Variants in SCNN1D observed in about 807,000 individuals in gnomAD.
SCNN1D encodes the protein epithelial sodium channel subunit delta.
SCNN1D carries 104 observed loss-of-function variants against 87.8 expected under a neutral mutation model. The observed-to-expected ratio is 1.18, with a 90% confidence interval of 1.01 to 1.39. The LOEUF (loss-of-function observed/expected upper bound fraction) is 1.39, where lower values mean the gene tolerates loss of function less well. SCNN1D is among the 40% of genes most tolerant of loss of function. The pLI, the probability that SCNN1D is intolerant of heterozygous loss-of-function variation, is 0.00. For missense variants in SCNN1D, 1,324 were observed against 1,093.9 expected, an observed-to-expected ratio of 1.21 and a Z score of -2.97; for synonymous variants, 628 against 481.2, an observed-to-expected ratio of 1.31 and a Z score of -3.99.
chr1:1,290,795 A>G, intron 15 of SCNN1D, 100 bp from the exon 16 acceptor site: 1 of 1,577,886 alleles, frequency 6.3e-7, no homozygotes, highest in Non-Finnish European at 8.7e-7. Context: ...GAACTGACCC[A>G]GCCTATGCCC....
At position 1,280,520 on chromosome 1, in the gene SCNN1D, G is replaced by A. The variant is rs1482640784; in HGVS notation, c.-142G>A. 1 of 616,386 alleles carries A rather than the reference G, an allele frequency of 1.6e-6. No individual in the cohort carries two copies. The highest frequency in any genetic ancestry group is 3.0e-6 in the Non-Finnish European group (1 of 334,428). 38.2% of individuals were successfully genotyped at this position (616,386 alleles called of 1,614,324 possible). On this transcript the variant is annotated 5_prime_UTR_variant, in exon 1 of 18. An upstream start codon of the reference 5' UTR is lost. Transcript: ENST00000379116. The stretch of plus-strand genomic sequence containing the variant: ...AGAAGGGAATGTCTGGTTACAGTAT[G>A]GCGTTGTGCAGATGAAGGTCTTATC...
chr1:1,287,995 C>T lies in SCNN1D; in HGVS notation c.1620C>T (p.Gly540=), dbSNP rs375401931. ...PYGHCTAGGE[G]VEVELLHNTS... is the part of the protein sequence containing the mutation. ...GCCACTGCACCGCCGGCGGGGAAGGCGTGGAGGTGGAGCTGCTACACAACA... is the reference window on the plus strand; with the variant it reads ...GCCACTGCACCGCCGGCGGGGAAGGTGTGGAGGTGGAGCTGCTACACAACA... The change falls in exon 12 of 18, where the codon GGC becomes GGT. Residue 540 remains glycine, a synonymous_variant. Coordinates refer to ENST00000379116, the MANE Select transcript of SCNN1D (RefSeq NM_001130413.4). The T allele has an allele frequency of 7.3e-4, 1,119 of 1,537,710 alleles. 17 individuals are homozygous for T. In the South Asian group the frequency reaches 0.011, roughly 15 times the overall value.
At position 1,291,542 on chromosome 1, in the gene SCNN1D, G is replaced by A. The variant is rs753957632; in HGVS notation, c.2341G>A (p.Val781Ile). The A allele has an allele frequency of 5.6e-6, 9 of 1,597,140 alleles. No homozygotes were observed. The highest frequency in any genetic ancestry group is 2.2e-5 in the East Asian group (1 of 44,446). The change falls in exon 18 of 18, where the codon GTT becomes ATT. Residue 781 changes from valine (V) to isoleucine (I), a missense_variant. Val to Ile is a conservative substitution (Grantham distance 29, BLOSUM62 3). Coordinates refer to ENST00000379116, the MANE Select transcript of SCNN1D (RefSeq NM_001130413.4). ...PHLPRVMLPG[V>I]LAGVSAEESW... ...TCTCCCACGGGTGATGCTTCCAGGG[G>A]TTCTGGCGGGAGTCTCAGCCGAAGA...
Position 1,280,756 on chromosome 1 carries a change from C to G in SCNN1D, c.5+90C>G, listed in dbSNP as rs1640453575. On this transcript the variant is annotated intron_variant, in intron 1 of 17. Transcript: ENST00000379116. The stretch of plus-strand genomic sequence containing the variant: ...GGCTAAGACCAGGGGTCCATCCAGA[C>G]AGTTCAGGGCTTATAATTTTATTTT... 4 of 667,638 alleles carry G rather than the reference C, an allele frequency of 6.0e-6. No individual in the cohort carries two copies. The South Asian group carries it at 6.1e-5, about 10-fold the overall frequency. 41.4% of individuals were successfully genotyped at this position (667,638 alleles called of 1,614,324 possible).
chr1:1,288,335 CTCTG>C (rs1640673355), intron 12 of SCNN1D, among the ~76,000 whole-genome samples: 1 of 72,864 alleles, frequency 1.4e-5, no homozygotes, highest in Admixed American at 1.6e-4. Flanking sequence ...CGTCCCGTGT[CTCTG>C]CCCCGTCCCC....
In SCNN1D at chr1:1,281,608, C is replaced by A. The variant is rs1400656116; in HGVS notation, c.275C>A (p.Thr92Lys). 8 of 1,535,012 alleles carry A rather than the reference C, an allele frequency of 5.2e-6. No homozygotes were observed. Among genetic ancestry groups the A allele is most frequent in the Non-Finnish European group, 7.0e-6 (8 of 1,146,420 alleles). The change falls in exon 3 of 18, where the codon ACA (threonine) becomes AAA (lysine). Residue 92 changes from threonine to lysine, a missense_variant and splice_region_variant. Transcript: ENST00000379116. Reference sequence around the variant, plus strand: ...TCTGGCCCGATACAGGGGTGTGGGACAGGTGACTGAACCTCAGCCCTTAGA... The same window carrying A: ...TCTGGCCCGATACAGGGGTGTGGGAAAGGTGACTGAACCTCAGCCCTTAGA... ...LLSGPIQGCG[T>K]GLGDSSMAFL...
Position 1,286,959 on chromosome 1 carries a change from G to A in SCNN1D, c.1103G>A (p.Arg368Lys). Residue 368 changes from arginine to lysine, a missense_variant, in exon 8 of 18, where the codon AGA (arginine) becomes AAA (lysine). Transcript: ENST00000379116. ...CTGAGCCACTCGGGCAGCCGGGTCAGAGTGGGGTTCAGACTGGTGAGTGTC... is the reference window on the plus strand; with the variant it reads ...CTGAGCCACTCGGGCAGCCGGGTCAAAGTGGGGTTCAGACTGGTGAGTGTC... ...QRLSHSGSRV[R>K]VGFRLCNSTG... 6.2e-7 allele frequency: 1 copy of A among 1,612,180 alleles called. No homozygotes were observed.
rs373426509 is a variant in SCNN1D at position 1,290,933 on chromosome 1, G to A, written c.1956G>A (p.Pro652=). The change falls in exon 16 of 18, where the codon CCG becomes CCA. Residue 652 remains proline (P), a synonymous_variant. Transcript: ENST00000379116. ...TLATLGEQGL[P]HQSHRQRSSL... ...CCACGCTAGGTGAACAGGGGCTGCCGCATCAGAGCCACAGACAGAGGTGGG... is the reference window on the plus strand; with the variant it reads ...CCACGCTAGGTGAACAGGGGCTGCCACATCAGAGCCACAGACAGAGGTGGG... The A allele has an allele frequency of 2.1e-4, 331 of 1,609,874 alleles. No homozygotes were observed. Among genetic ancestry groups the A allele is most frequent in the East Asian group, 5.6e-4 (25 of 44,738 alleles).
At chr1:1,283,663 A>C (rs1328609016) in intron 4 of SCNN1D, among the ~76,000 whole-genome samples, 1 of 152,004 alleles carries the variant, frequency 6.6e-6, no homozygotes, top group East Asian at 1.9e-4. Context: ...GTGCCATTGC[A>C]CTCCAACCTG....
intron 1 of SCNN1D, 151 bp from the exon 2 acceptor site, chr1:1,281,075 T>C: frequency 1.3e-6 from 1 of 750,348 alleles, no homozygotes; most frequent in Non-Finnish European, 2.2e-6. Flanking sequence ...AATCCCGACC[T>C]TGGGCTGCCT....
At chr1:1,281,925 A>G (rs932941973) in intron 3 of SCNN1D, 2 of 564,592 alleles carry the variant, frequency 3.5e-6, no homozygotes, top group African/African-American at 3.8e-5. Context: ...GGCTGCTTCC[A>G]GCCACAATCT....
chr1:1,282,214 G>A, intron 3 of SCNN1D, 28 bp from the exon 4 acceptor site: 1 of 1,268,394 alleles, frequency 7.9e-7, no homozygotes, highest in Non-Finnish European at 1.1e-6. Context: ...AGGCCACACA[G>A]CCAGTGACGA....
chr1:1,291,002 C>A, intron 16 of SCNN1D, 49 bp downstream of exon 16: 1 of 1,592,362 alleles, frequency 6.3e-7, no homozygotes. Context: ...CCTCTCCCCT[C>A]AAAGCCCCCC....
At chr1:1,290,206 G>A (rs1474438150) in intron 12 of SCNN1D, 65 bp from the exon 13 acceptor site, 1 of 1,195,234 alleles carries the variant, frequency 8.4e-7, no homozygotes, top group Non-Finnish European at 1.2e-6. Flanking sequence ...TCCGTCCCGT[G>A]TCTCTGCCCC....
chr1:1,291,518 C>G lies in SCNN1D; in HGVS notation c.2317C>G (p.Leu773Val), dbSNP rs768015506. Residue 773 changes from leucine to valine, a missense_variant, in exon 18 of 18, where the codon CTC becomes GTC. Leu to Val is a conservative substitution (Grantham distance 32). Coordinates refer to ENST00000379116, the MANE Select transcript of SCNN1D (RefSeq NM_001130413.4). ...SDDPEPSGPH[L>V]PRVMLPGVLA... ...TGACCCGGAGCCCAGCGGGCCTCATCTCCCACGGGTGATGCTTCCAGGGGT... is the reference window on the plus strand; with the variant it reads ...TGACCCGGAGCCCAGCGGGCCTCATGTCCCACGGGTGATGCTTCCAGGGGT... 6.2e-6 allele frequency: 10 copies of G among 1,607,580 alleles called. No homozygotes were observed. The highest frequency in any genetic ancestry group is 7.6e-6 in the Non-Finnish European group (9 of 1,176,586).
chr1:1,290,514 C>T lies in SCNN1D; in HGVS notation c.1818C>T (p.Thr606=), dbSNP rs534613150. 5.0e-6 allele frequency: 8 copies of T among 1,612,708 alleles called. 1 individual carries two copies. Among genetic ancestry groups the T allele is most frequent in the South Asian group, 4.4e-5 (4 of 91,088 alleles). The change falls in exon 14 of 18, where the codon ACC becomes ACT. Residue 606 remains threonine (T), a synonymous_variant. Transcript: ENST00000379116. ...ACCGCCTCTACCAGGACCTGGAGAC[C>T]CACCGGCTCCCCTGTACCTCCCGCT... ...CFYRLYQDLE[T]HRLPCTSRCP... is the part of the protein sequence containing the mutation.
intron 9 of SCNN1D, 44 bp downstream of exon 9, chr1:1,287,343 A>G (rs1557582866): frequency 1.3e-6 from 2 of 1,522,102 alleles, no homozygotes; most frequent in Admixed American, 2.0e-5. Flanking sequence ...CCCACCCCAC[A>G]GAGCGTGGCC....
chr1:1,283,319 C>T (rs1640507815), intron 4 of SCNN1D, among the ~76,000 whole-genome samples: 1 of 152,166 alleles, frequency 6.6e-6, no homozygotes, highest in Admixed American at 6.5e-5. Flanking sequence ...GAGGTCCCCA[C>T]CCAGTGTCTG....
Position 1,291,723 on chromosome 1 carries a change from C to A in SCNN1D, c.*113C>A. 1 of 746,874 alleles carries A rather than the reference C, an allele frequency of 1.3e-6. No homozygotes were observed. The highest frequency in any genetic ancestry group is 2.0e-6 in the Non-Finnish European group (1 of 492,488). 46.3% of individuals were successfully genotyped at this position (746,874 alleles called of 1,614,324 possible). On this transcript the variant is annotated 3_prime_UTR_variant, in exon 18 of 18. Coordinates refer to ENST00000379116, the MANE Select transcript of SCNN1D (RefSeq NM_001130413.4). Reference sequence around the variant, plus strand: ...GACCAGCAGCCCAGGAAGCAGCACACGCGGCCGTGGGGAGGCAGGCACCGG... The same window carrying A: ...GACCAGCAGCCCAGGAAGCAGCACAAGCGGCCGTGGGGAGGCAGGCACCGG...
Sources: gnomAD v4.1 joint callset for allele counts (sites outside exome capture counted in the v4.1 genomes callset) on GRCh38, gnomAD v4.1.1 for gene constraint, MANE v1.5 for transcripts, NCBI Gene and HGNC (gene_info 2026-07-23, HGNC 2026-07-21) for gene names.